RNF217: variants seen among roughly 807,000 people sequenced by gnomAD.
RNF217 encodes the protein E3 ubiquitin-protein ligase RNF217.
RNF217 carries 31 observed loss-of-function variants against 57.8 expected under a neutral mutation model. The observed-to-expected ratio is 0.54, with a 90% CI of 0.40 to 0.72. The LOEUF (loss-of-function observed/expected upper bound fraction) is 0.72, where lower values mean the gene tolerates loss of function less well. Ranked by LOEUF, RNF217 falls within the 30% of genes least tolerant of loss-of-function variation. The pLI is 0.00. For synonymous variants in RNF217, 313 were observed against 294.0 expected, an observed-to-expected ratio of 1.06 and a Z score of -0.66; for missense variants, 696 against 708.3, an observed-to-expected ratio of 0.98 and a Z score of 0.20.
intron 2 of RNF217, among the ~76,000 whole-genome samples, chr6:125,049,887 T>C (rs1787244941): frequency 6.6e-6 from 1 of 151,722 alleles, no homozygotes; most frequent in South Asian, 2.1e-4. Context: ...ATTAGTTCAG[T>C]TTGAAATATG....
intron 1 of RNF217, among the ~76,000 whole-genome samples, chr6:124,968,543 T>C (rs745718325): frequency 6.6e-6 from 1 of 152,214 alleles, no homozygotes; most frequent in African/African-American, 2.4e-5. Context: ...TGCTAAGCCC[T>C]GGGGCCAGCA....
At chr6:124,985,952 G>T (rs1387969692) in intron 1 of RNF217, among the ~76,000 whole-genome samples, 1 of 152,042 alleles carries the variant, frequency 6.6e-6, no homozygotes, top group African/African-American at 2.4e-5. Flanking sequence ...CTGAATGTTT[G>T]TTTCCTCCCA....
In RNF217 at chr6:125,019,084, C is replaced by CT. The variant is rs554592124; in HGVS notation, c.883-26126dup. Among the ~76,000 whole-genome samples, 936 of 152,284 alleles carry CT rather than the reference C, an allele frequency of 6.1e-3. 6 individuals carry two copies. Among genetic ancestry groups the CT allele is most frequent in the Non-Finnish European group, 9.8e-3 (667 of 68,034 alleles). ...TCCCAGTAAAAAAGCCCGCTTGCCTCTGATCACAGAGATGCAATTAGCCAA... is the reference window on the plus strand; with the variant it reads ...TCCCAGTAAAAAAGCCCGCTTGCCTCTTGATCACAGAGATGCAATTAGCCAA... On this transcript the variant is annotated intron_variant, in intron 1 of 5. Coordinates refer to ENST00000521654, the MANE Select transcript of RNF217 (RefSeq NM_001286398.3).
intron 1 of RNF217, among the ~76,000 whole-genome samples, chr6:124,994,718 A>G (rs1000681874): frequency 6.6e-6 from 1 of 152,204 alleles, no homozygotes; most frequent in Non-Finnish European, 1.5e-5. Context: ...TTGTGCTAGT[A>G]AGTGCTACTT....
chr6:125,053,720 A>G (rs1191073292), intron 2 of RNF217, among the ~76,000 whole-genome samples: 1 of 152,042 alleles, frequency 6.6e-6, no homozygotes, highest in East Asian at 1.9e-4. Flanking sequence ...TCAGTATAGC[A>G]CAGATTTCTG....
At chr6:125,021,266 AG>A (rs1370946020) in intron 1 of RNF217, among the ~76,000 whole-genome samples, 65 of 113,220 alleles carry the variant, frequency 5.7e-4, no homozygotes, top group Non-Finnish European at 9.4e-4. Flanking sequence ...ACATGGAAAA[AG>A]CTTTTTTTTT....
At chr6:125,081,352 C>A (rs1376302973) in intron 4 of RNF217, 84 bp from the exon 5 acceptor site, 3 of 945,192 alleles carry the variant, frequency 3.2e-6, no homozygotes, top group East Asian at 5.1e-5. Flanking sequence ...ATAATATACA[C>A]TGTGGTATTT....
chr6:125,042,851 T>C (rs760183825), intron 1 of RNF217, among the ~76,000 whole-genome samples: 4 of 152,026 alleles, frequency 2.6e-5, no homozygotes, highest in Non-Finnish European at 5.9e-5. Flanking sequence ...AATAAACTCA[T>C]AGGTGAAGAA....
chr6:124,972,302 A>G (rs1017276880), intron 1 of RNF217, among the ~76,000 whole-genome samples: 1 of 151,688 alleles, frequency 6.6e-6, no homozygotes, highest in Non-Finnish European at 1.5e-5. Flanking sequence ...TTCTGCTGTC[A>G]TTTCCCTCTC....
intron 1 of RNF217, 43 bp from the exon 2 acceptor site, chr6:125,045,168 C>A: frequency 3.9e-6 from 5 of 1,268,740 alleles, no homozygotes; most frequent in South Asian, 1.3e-5. Flanking sequence ...AAGAAAATAA[C>A]CAGTGACGTT....
intron 1 of RNF217, among the ~76,000 whole-genome samples, chr6:125,005,615 C>A (rs999046475): frequency 6.6e-6 from 1 of 152,150 alleles, no homozygotes; most frequent in Admixed American, 6.5e-5. Context: ...GAACTTTTTT[C>A]TTAAATCCAT....
intron 1 of RNF217, among the ~76,000 whole-genome samples, chr6:125,007,382 A>C (rs1785230430): frequency 6.6e-6 from 1 of 151,450 alleles, no homozygotes; most frequent in Admixed American, 6.6e-5. Flanking sequence ...AGTAGCTGGG[A>C]TTATAGGCAT....
chr6:125,036,638 AT>A (rs1786632166), intron 1 of RNF217, among the ~76,000 whole-genome samples: 1 of 152,166 alleles, frequency 6.6e-6, no homozygotes, highest in African/African-American at 2.4e-5. Flanking sequence ...CAAGGGGCTA[AT>A]ATCCAGAATC....
chr6:125,063,033 T>C (rs898742625), intron 3 of RNF217, among the ~76,000 whole-genome samples: 2 of 152,196 alleles, frequency 1.3e-5, no homozygotes, highest in African/African-American at 4.8e-5. Flanking sequence ...TAAATCTAGT[T>C]TGTAGACTTA....
At position 125,019,759 on chromosome 6, in the gene RNF217, C is replaced by G. The variant is rs554415724; in HGVS notation, c.883-25452C>G. On this transcript the variant is annotated intron_variant, in intron 1 of 5. Transcript: ENST00000521654. ...TACTGGTGCTAGGCCTGCTACATTT[C>G]TCCAACACTGAAGCCCTTGGCCTCC... Among the ~76,000 whole-genome samples the G allele has an allele frequency of 8.6e-4, 131 of 151,746 alleles. 1 individual carries two copies. The highest frequency in any genetic ancestry group is 3.0e-3 in the African/African-American group (123 of 41,420).
intron 1 of RNF217, among the ~76,000 whole-genome samples, chr6:124,993,266 T>C (rs866302834): frequency 1.2e-4 from 19 of 152,206 alleles, no homozygotes; most frequent in South Asian, 8.3e-4. Flanking sequence ...CCCAGGAATC[T>C]GTATTTTTAC....
chr6:124,989,307 G>A (rs1329197551), intron 1 of RNF217, among the ~76,000 whole-genome samples: 1 of 152,152 alleles, frequency 6.6e-6, no homozygotes, highest in Non-Finnish European at 1.5e-5. Flanking sequence ...ATGTAATTAC[G>A]TAGCAAAATA....
At chr6:124,991,626 C>T (rs1022819801) in intron 1 of RNF217, among the ~76,000 whole-genome samples, 8 of 152,142 alleles carry the variant, frequency 5.3e-5, no homozygotes, top group Non-Finnish European at 8.8e-5. Context: ...GAGTGCTTGA[C>T]ATGTAGTAGG....
At chr6:125,076,231 T>C (rs890781450) in intron 3 of RNF217, among the ~76,000 whole-genome samples, 2 of 152,226 alleles carry the variant, frequency 1.3e-5, no homozygotes, top group Non-Finnish European at 2.9e-5. Context: ...AAAACTTTTA[T>C]GTAATCCTTT....
Sources: gnomAD v4.1 joint callset for allele counts (sites outside exome capture counted in the v4.1 genomes callset) on GRCh38, gnomAD v4.1.1 for gene constraint, MANE v1.5 for transcripts, NCBI Gene and HGNC (gene_info 2026-07-23, HGNC 2026-07-21) for gene names.